CHDH: variants seen among roughly 807,000 people sequenced by gnomAD.
CHDH encodes choline dehydrogenase, mitochondrial.
In CHDH, 43 loss-of-function variants were observed where a neutral mutation model predicts 56.9. The observed-to-expected ratio is 0.76, with a 90% CI of 0.59 to 0.97. CHDH has a LOEUF of 0.97. Ranked by LOEUF, CHDH falls within the 50% of genes least tolerant of loss-of-function variation. The pLI, the probability that CHDH is intolerant of heterozygous loss-of-function variation, is 0.00. For missense variants in CHDH, 816 were observed against 821.1 expected, an observed-to-expected ratio of 0.99 and a Z score of 0.08; for synonymous variants, 364 against 348.5, an observed-to-expected ratio of 1.04 and a Z score of -0.50.
chr3:53,837,481 G>A (rs1052648203), intron 2 of CHDH, among the ~76,000 whole-genome samples: 5 of 152,238 alleles, frequency 3.3e-5, no homozygotes, highest in Middle Eastern at 3.2e-3. Flanking sequence ...GTCTGACATC[G>A]CATCAGAGCT....
chr3:53,822,328 C>G (rs935891739), intron 4 of CHDH, among the ~76,000 whole-genome samples, 163 bp downstream of exon 4: 1 of 152,070 alleles, frequency 6.6e-6, no homozygotes, highest in Admixed American at 6.5e-5. Flanking sequence ...GCTTCTTCAC[C>G]TCCACCAGCC....
Position 53,822,526 on chromosome 3 carries a change from C to T in CHDH, c.820G>A (p.Gly274Ser), listed in dbSNP as rs1032290354. The change falls in exon 4 of 9, where the codon GGC becomes AGC. Residue 274 changes from glycine (G) to serine (S), a missense_variant. By Grantham distance (56) the Gly-to-Ser change is moderately conservative. Coordinates refer to ENST00000315251, the MANE Select transcript of CHDH (RefSeq NM_018397.5). ...RVLFEGTRAV[G>S]VEYVKNGQSH... is the part of the protein sequence containing the mutation. ...TGGCCATTCTTGACATACTCCACGCCCACTGCACGGGTGCCCTCAAATAGC... is the reference window on the plus strand; with the variant it reads ...TGGCCATTCTTGACATACTCCACGCTCACTGCACGGGTGCCCTCAAATAGC... The T allele has an allele frequency of 5.6e-6, 9 of 1,613,600 alleles. No individual in the cohort carries two copies. The Admixed American group carries it at 1.0e-4, about 18-fold the overall frequency.
At chr3:53,831,640 A>C (rs762273183) in intron 2 of CHDH, among the ~76,000 whole-genome samples, 1 of 152,268 alleles carries the variant, frequency 6.6e-6, no homozygotes, top group Non-Finnish European at 1.5e-5. Flanking sequence ...TGCAAACCAT[A>C]TATCTGATAA....
Position 53,822,566 on chromosome 3 carries a change from CGTCTCG to C in CHDH, c.774_779del (p.Glu259_Thr260del), listed in dbSNP as rs2095629328. 2.5e-6 allele frequency: 4 copies of C among 1,613,268 alleles called. No homozygotes were observed. The highest frequency in any genetic ancestry group is 3.4e-6 in the Non-Finnish European group (4 of 1,180,012). ...CCTCAAATAGCACCCTGCTCACAAG[CGTCTCG>C]GCCTCGGCCTTGAGGTTGGTGCGGC... On this transcript the variant is annotated inframe_deletion, in exon 4 of 9. Transcript: ENST00000315251.
At position 53,814,410 on chromosome 3, in the gene CHDH, T is replaced by G. The variant is rs916566266; in HGVS notation, c.*3367A>C. ...GTTATTTCTCTAAAACAGTATTTCT[T>G]TTCCTCTCCTGGGGACTAGGAGGGC... On this transcript the variant is annotated 3_prime_UTR_variant, in exon 9 of 9. Transcript: ENST00000315251. The G allele has an allele frequency of 4.6e-5, 7 of 152,200 alleles. No homozygotes were observed. The highest frequency in any genetic ancestry group is 1.7e-4 in the African/African-American group (7 of 41,440). 9.4% of individuals were successfully genotyped at this position (152,200 alleles called of 1,614,324 possible). A position where few individuals can be genotyped will look rare whatever the true frequency, so the allele number is the denominator to read the frequency against.
chr3:53,815,270 G>C lies in CHDH; in HGVS notation c.*2507C>G, dbSNP rs976032756. On this transcript the variant is annotated 3_prime_UTR_variant, in exon 9 of 9. Transcript: ENST00000315251. ...TGCAAAGCACGTTTCTCTGTTTTTAGGTACTGCAAGCTTTTGGCCAAGGGG... is the reference window on the plus strand; with the variant it reads ...TGCAAAGCACGTTTCTCTGTTTTTACGTACTGCAAGCTTTTGGCCAAGGGG... 5 of 152,282 alleles carry C rather than the reference G, an allele frequency of 3.3e-5. No individual in the cohort carries two copies. The highest frequency in any genetic ancestry group is 1.2e-4 in the African/African-American group (5 of 41,462). The allele number at this position is 152,282 out of a possible 1,614,324, so 9.4% of individuals were successfully genotyped here.
At chr3:53,832,852 C>G (rs974306268) in intron 2 of CHDH, among the ~76,000 whole-genome samples, 2 of 152,122 alleles carry the variant, frequency 1.3e-5, no homozygotes, top group Non-Finnish European at 2.9e-5. Context: ...AAATTGGAAA[C>G]GGATAGTGGT....
chr3:53,837,761 G>T (rs1698543381), intron 2 of CHDH, among the ~76,000 whole-genome samples: 1 of 152,064 alleles, frequency 6.6e-6, no homozygotes, highest in African/African-American at 2.4e-5. Flanking sequence ...AAAGCAGAGT[G>T]TATGTAAGGT....
chr3:53,831,021 G>T (rs1467338061), intron 2 of CHDH, among the ~76,000 whole-genome samples: 1 of 152,174 alleles, frequency 6.6e-6, no homozygotes, highest in Non-Finnish European at 1.5e-5. Flanking sequence ...CCAACCCTGG[G>T]CCAGAGGGGA....
Position 53,823,302 on chromosome 3 carries a change from C to T in CHDH, c.703+4G>A. On this transcript the variant is annotated splice_donor_region_variant and intron_variant, in intron 3 of 8. Transcript: ENST00000315251. ...TTTTTTAAAAAGAGAAGGGAGACCA[C>T]TACCTTCATGGATGGTCATGTCCAT... 1 of 1,539,040 alleles carries T rather than the reference C, an allele frequency of 6.5e-7. No homozygotes were observed. The highest frequency in any genetic ancestry group is 1.2e-5 in the South Asian group (1 of 80,414).
At position 53,812,904 on chromosome 3, in the gene CHDH, A is replaced by G. The variant is rs2095606810; in HGVS notation, c.*4873T>C. 7.8e-6 allele frequency: 1 copy of G among 127,408 alleles called. No individual in the cohort carries two copies. Among genetic ancestry groups the G allele is most frequent in the Non-Finnish European group, 1.8e-5 (1 of 54,776 alleles). The allele number at this position is 127,408 out of a possible 1,614,324, so 7.9% of individuals were successfully genotyped here. On this transcript the variant is annotated 3_prime_UTR_variant, in exon 9 of 9. Transcript: ENST00000315251. ...TTCTCTTTGAGGGCTTTTATATGCAATTGAATGAGGGCTGAAGTTTTCATT... is the reference window on the plus strand; with the variant it reads ...TTCTCTTTGAGGGCTTTTATATGCAGTTGAATGAGGGCTGAAGTTTTCATT...
chr3:53,838,011 CGTATCA>C, intron 2 of CHDH, among the ~76,000 whole-genome samples: 1 of 123,240 alleles, frequency 8.1e-6, no homozygotes, highest in Non-Finnish European at 1.6e-5. Context: ...GAGCCAAGAT[CGTATCA>C]CTGCACTCCA....
At chr3:53,839,431 G>C (rs1275483287) in intron 2 of CHDH, among the ~76,000 whole-genome samples, 1 of 152,232 alleles carries the variant, frequency 6.6e-6, no homozygotes, top group Non-Finnish European at 1.5e-5. Context: ...AAGCCTACAG[G>C]CTGTGAGAGG....
At chr3:53,838,587 CT>C (rs1698577671) in intron 2 of CHDH, among the ~76,000 whole-genome samples, 1 of 152,210 alleles carries the variant, frequency 6.6e-6, no homozygotes, top group African/African-American at 2.4e-5. Context: ...AGAAAGACAA[CT>C]GCTGTTCCCT....
Position 53,816,136 on chromosome 3 carries a change from C to CG in CHDH, c.*1640_*1641insC, listed in dbSNP as rs1052005493. 1 of 107,518 alleles carries CG rather than the reference C, an allele frequency of 9.3e-6. No individual in the cohort carries two copies. Among genetic ancestry groups the CG allele is most frequent in the African/African-American group, 3.8e-5 (1 of 25,988 alleles). The allele number at this position is 107,518 out of a possible 1,614,324, so 6.7% of individuals were successfully genotyped here. A position where few individuals can be genotyped will look rare whatever the true frequency, so the allele number is the denominator to read the frequency against. On this transcript the variant is annotated 3_prime_UTR_variant, in exon 9 of 9. Transcript: ENST00000315251. ...AACTAACTTGTGGCTGTCGGACGCCCCCCCCCCCCGCCCCAGTCTGTAAGC... is the reference window on the plus strand; with the variant it reads ...AACTAACTTGTGGCTGTCGGACGCCCGCCCCCCCCCGCCCCAGTCTGTAAGC...
rs773230904 is a variant in CHDH at position 53,817,973 on chromosome 3, G to A, written c.1589C>T (p.Pro530Leu). Reference sequence around the variant, plus strand: ...TTCCACCCCGAGGACCCTTGTCTGCGGATCCACCACGGCAGTGGGATCGGA... The same window carrying A: ...TTCCACCCCGAGGACCCTTGTCTGCAGATCCACCACGGCAGTGGGATCGGA... ...QPSDPTAVVD[P>L]QTRVLGVENL... Residue 530 changes from proline (P) to leucine (L), a missense_variant, in exon 9 of 9, where the codon CCG (proline) becomes CTG (leucine). Coordinates refer to ENST00000315251, the MANE Select transcript of CHDH (RefSeq NM_018397.5). The A allele has an allele frequency of 1.4e-5, 22 of 1,614,068 alleles. No individual in the cohort carries two copies. The African/African-American group carries it at 1.5e-4, about 11-fold the overall frequency.
Position 53,815,483 on chromosome 3 carries a change from A to G in CHDH, c.*2294T>C, listed in dbSNP as rs4687587. On this transcript the variant is annotated 3_prime_UTR_variant, in exon 9 of 9. Coordinates refer to ENST00000315251, the MANE Select transcript of CHDH (RefSeq NM_018397.5). ...TGTGACACTTACCATCTTTTCTTTT[A>G]AACCTCATTCCTGTTTATGGCCAAA... is the stretch of plus-strand genomic sequence containing the variant. 0.78 allele frequency: 118,540 copies of G among 152,244 alleles called. 47,043 individuals are homozygous for G. The highest frequency in any genetic ancestry group is 1 in the East Asian group (5,174 of 5,186). The allele number at this position is 152,244 out of a possible 1,614,324, so 9.4% of individuals were successfully genotyped here. A position where few individuals can be genotyped will look rare whatever the true frequency, so the allele number is the denominator to read the frequency against.
intron 1 of CHDH, among the ~76,000 whole-genome samples, chr3:53,843,054 G>A (rs768762711): frequency 5.9e-5 from 9 of 152,132 alleles, no homozygotes; most frequent in African/African-American, 9.7e-5. Flanking sequence ...GGCTGGACCC[G>A]CAGGACTTGT....
At chr3:53,835,247 G>A (rs1304995821) in intron 2 of CHDH, among the ~76,000 whole-genome samples, 1 of 152,224 alleles carries the variant, frequency 6.6e-6, no homozygotes, top group East Asian at 1.9e-4. Context: ...CCATCCACAT[G>A]AAAGGACCCT....
Sources: gnomAD v4.1 joint callset for allele counts (sites outside exome capture counted in the v4.1 genomes callset) on GRCh38, gnomAD v4.1.1 for gene constraint, MANE v1.5 for transcripts, NCBI Gene and HGNC (gene_info 2026-07-23, HGNC 2026-07-21) for gene names.